The following CORIN variants were observed in gnomAD, a reference collection of about 807,000 sequenced individuals.
CORIN encodes atrial natriuretic peptide-converting enzyme.
A neutral mutation model predicts 125.3 loss-of-function variants in CORIN; 117 were observed. The ratio of observed to expected loss-of-function variants is 0.93; its 90% CI spans 0.80 to 1.09. The LOEUF (loss-of-function observed/expected upper bound fraction) is 1.09, where lower values mean the gene tolerates loss of function less well. CORIN is among the 50% of genes least tolerant of loss of function. The probability of loss-of-function intolerance (pLI) is 0.00; values close to 1 mark genes in which losing one functional copy is unlikely to be tolerated. For missense variants in CORIN, 1,253 were observed against 1,306.7 expected, an observed-to-expected ratio of 0.96 and a Z score of 0.63; for synonymous variants, 450 against 466.4, an observed-to-expected ratio of 0.96 and a Z score of 0.45.
intron 5 of CORIN, among the ~76,000 whole-genome samples, chr4:47,709,082 T>C (rs917129624): frequency 2.6e-5 from 4 of 152,090 alleles, no homozygotes; most frequent in African/African-American, 9.7e-5. Context: ...TCCCTCCCTT[T>C]CCATTTGTCG....
chr4:47,633,445 C>G (rs2109585841), intron 16 of CORIN, among the ~76,000 whole-genome samples: 1 of 148,074 alleles, frequency 6.8e-6, no homozygotes, highest in Middle Eastern at 3.5e-3. Context: ...AATAATCAAT[C>G]ATAAACATTT....
intron 13 of CORIN, among the ~76,000 whole-genome samples, chr4:47,646,572 A>G (rs1465168363): frequency 2.0e-5 from 3 of 152,246 alleles, no homozygotes; most frequent in African/African-American, 4.8e-5. Flanking sequence ...CATTCCGGTC[A>G]GATCCCTGGC....
chr4:47,828,645 C>T lies in CORIN; in HGVS notation c.63+9242G>A, dbSNP rs758431171. Among the ~76,000 whole-genome samples, 8 of 152,186 alleles carry T rather than the reference C, an allele frequency of 5.3e-5. 1 individual carries two copies. In the South Asian group the frequency reaches 8.3e-4, roughly 16 times the overall value. On this transcript the variant is annotated intron_variant, in intron 1 of 21. Transcript: ENST00000273857. ...TTAATTTAATTACATTTGCAAAGTC[C>T]CTTTTGACAATTTTGACATATAAAA...
intron 19 of CORIN, among the ~76,000 whole-genome samples, chr4:47,613,762 A>G (rs927076444): frequency 1.1e-4 from 16 of 140,822 alleles, no homozygotes; most frequent in Non-Finnish European, 2.3e-4. Flanking sequence ...GAACAATGAG[A>G]TCACATGGAC....
At position 47,661,745 on chromosome 4, in the gene CORIN, A is replaced by C; in HGVS notation, c.1701T>G (p.Asn567Lys). 1 of 1,613,418 alleles carries C rather than the reference A, an allele frequency of 6.2e-7. No individual in the cohort carries two copies. Among genetic ancestry groups the C allele is most frequent in the Non-Finnish European group, 8.5e-7 (1 of 1,179,608 alleles). ...ATTCATCAGGCATCAGGCAGGTTTG[A>C]TTGTCTGAATTTTCCTCTGGAAATT... The part of the protein sequence containing the change: ...CSQFPEENSD[N>K]QTCLMPDEYV... Residue 567 changes from asparagine to lysine, a missense_variant, in exon 12 of 22, where the codon AAT becomes AAG. Transcript: ENST00000273857.
At chr4:47,630,716 G>A (rs953877284) in intron 16 of CORIN, among the ~76,000 whole-genome samples, 4 of 152,178 alleles carry the variant, frequency 2.6e-5, no homozygotes, top group Admixed American at 6.5e-5. Flanking sequence ...AAACACATCT[G>A]TTAGGTTCAA....
At chr4:47,833,521 CAAA>C (rs75657429) in intron 1 of CORIN, among the ~76,000 whole-genome samples, 43,654 of 115,126 alleles carry the variant, frequency 0.38, 7,669 homozygotes, top group Non-Finnish European at 0.45. Flanking sequence ...AAAGCATAGG[CAAA>C]AAAAAAAAAA....
At chr4:47,757,897 T>TA (rs1729251567) in intron 4 of CORIN, among the ~76,000 whole-genome samples, 1 of 143,148 alleles carries the variant, frequency 7.0e-6, no homozygotes. Context: ...TATATATATA[T>TA]ATATATATAC....
chr4:47,754,676 G>C (rs771040489), intron 4 of CORIN, among the ~76,000 whole-genome samples: 5 of 151,900 alleles, frequency 3.3e-5, no homozygotes, highest in Non-Finnish European at 7.4e-5. Flanking sequence ...CCTCCCCAGG[G>C]TGATACTCTT....
At chr4:47,673,798 A>T (rs1724879023) in intron 10 of CORIN, among the ~76,000 whole-genome samples, 1 of 152,168 alleles carries the variant, frequency 6.6e-6, no homozygotes, top group African/African-American at 2.4e-5. Context: ...CTATAATCCC[A>T]GCACTTTGGG....
intron 2 of CORIN, among the ~76,000 whole-genome samples, chr4:47,798,754 A>C (rs548984360): frequency 9.2e-5 from 14 of 152,230 alleles, no homozygotes; most frequent in Admixed American, 2.0e-4. Context: ...ACATGTGTAT[A>C]TTATGTGATG....
At chr4:47,769,728 T>G (rs922271328) in intron 3 of CORIN, among the ~76,000 whole-genome samples, 1 of 152,068 alleles carries the variant, frequency 6.6e-6, no homozygotes, top group African/African-American at 2.4e-5. Context: ...GATGACCAAT[T>G]GATTTTCAAC....
In CORIN at chr4:47,680,217, G is replaced by T. The variant is rs574925971; in HGVS notation, c.1056C>A (p.Asp352Glu). The T allele has an allele frequency of 1.9e-5, 31 of 1,613,958 alleles. No homozygotes were observed. The South Asian group carries it at 3.4e-4, about 18-fold the overall frequency. Residue 352 changes from aspartate to glutamate, a missense_variant, in exon 8 of 22, where the codon GAC becomes GAA. Coordinates refer to ENST00000273857, the MANE Select transcript of CORIN (RefSeq NM_006587.4). ...CCCACTCCATGGCGATGCAGCGCCC[G>T]TCCCCGCAGCGATGCTCTGTTGTGG... ...CNPTTEHRCG[D>E]GRCIAMEWVC...
chr4:47,626,531 G>A lies in CORIN; in HGVS notation c.2199-10C>T. ...GGTCACAGATGGTTCTCTGATACAAGGCAAATACTGGATAAGTATTCAAAG... is the reference window on the plus strand; with the variant it reads ...GGTCACAGATGGTTCTCTGATACAAAGCAAATACTGGATAAGTATTCAAAG... On this transcript the variant is annotated splice_polypyrimidine_tract_variant and intron_variant, in intron 16 of 21. Transcript: ENST00000273857. 6.8e-7 allele frequency: 1 copy of A among 1,465,574 alleles called. No homozygotes were observed. Among genetic ancestry groups the A allele is most frequent in the Non-Finnish European group, 9.6e-7 (1 of 1,044,768 alleles). 90.8% of individuals were successfully genotyped at this position (1,465,574 alleles called of 1,614,324 possible).
chr4:47,622,809 C>T (rs1314910259), intron 19 of CORIN, among the ~76,000 whole-genome samples: 1 of 152,102 alleles, frequency 6.6e-6, no homozygotes, highest in Non-Finnish European at 1.5e-5. Context: ...TTTGGATTCA[C>T]CAAGCCTCCA....
intron 6 of CORIN, among the ~76,000 whole-genome samples, chr4:47,688,295 A>T (rs761720638): frequency 6.6e-6 from 1 of 152,004 alleles, no homozygotes; most frequent in Non-Finnish European, 1.5e-5. Flanking sequence ...CTTGTGTTAT[A>T]CTGTTTTAAA....
chr4:47,678,454 A>G (rs1429065815), intron 8 of CORIN, among the ~76,000 whole-genome samples: 1 of 152,238 alleles, frequency 6.6e-6, no homozygotes, highest in Non-Finnish European at 1.5e-5. Flanking sequence ...TACAGAGCAT[A>G]GTACTTGCTC....
At chr4:47,624,085 C>A (rs940924513) in intron 17 of CORIN, 137 bp from the exon 18 acceptor site, 14 of 723,964 alleles carry the variant, frequency 1.9e-5, no homozygotes, top group African/African-American at 3.5e-5. Flanking sequence ...TCCTGTGTTA[C>A]CACAGGAAAG....
At chr4:47,719,471 G>T (rs1727250241) in intron 5 of CORIN, among the ~76,000 whole-genome samples, 1 of 152,084 alleles carries the variant, frequency 6.6e-6, no homozygotes. Flanking sequence ...CACAAAACAG[G>T]AACAACATAC....
Sources: gnomAD v4.1 joint callset for allele counts (sites outside exome capture counted in the v4.1 genomes callset) on GRCh38, gnomAD v4.1.1 for gene constraint, MANE v1.5 for transcripts, NCBI Gene and HGNC (gene_info 2026-07-23, HGNC 2026-07-21) for gene names.